GAS2L3: variants seen among roughly 807,000 people sequenced by gnomAD.
GAS2L3 encodes growth arrest specific 2 like 3.
A neutral mutation model predicts 37.0 loss-of-function variants in GAS2L3; 28 were observed. That is an observed-to-expected ratio of 0.76 (90% CI 0.56 to 1.04). The LOEUF (loss-of-function observed/expected upper bound fraction) is 1.04. Among genes scored for constraint, GAS2L3 ranks in the 50% least tolerant of loss-of-function variants. GAS2L3 has a pLI of 0.00. For missense variants in GAS2L3, 793 were observed against 817.6 expected, an observed-to-expected ratio of 0.97 and a Z score of 0.37; for synonymous variants, 290 against 296.6, an observed-to-expected ratio of 0.98 and a Z score of 0.23.
Position 100,624,350 on chromosome 12 carries a change from C to T in GAS2L3, c.1545C>T (p.Phe515=). The T allele has an allele frequency of 6.2e-7, 1 of 1,614,000 alleles. No individual in the cohort carries two copies. Among genetic ancestry groups the T allele is most frequent in the Non-Finnish European group, 8.5e-7 (1 of 1,180,008 alleles). Residue 515 remains phenylalanine, a synonymous_variant, in exon 10 of 10, where the codon TTC becomes TTT. Transcript: ENST00000547754. The part of the protein sequence containing the change: ...ANIPVRPKPS[F]QSSAKMTKTS... The stretch of plus-strand genomic sequence containing the variant: ...TACCTGTAAGACCTAAACCTTCTTT[C>T]CAGTCCTCTGCAAAAATGACAAAAA...
intron 4 of GAS2L3, among the ~76,000 whole-genome samples, chr12:100,601,280 C>G (rs1320734934): frequency 6.6e-6 from 1 of 151,874 alleles, no homozygotes; most frequent in African/African-American, 2.4e-5. Context: ...TTAGTATTCC[C>G]TGGGTATTTG....
chr12:100,587,422 G>T (rs372945059), intron 1 of GAS2L3, among the ~76,000 whole-genome samples: 37 of 152,330 alleles, frequency 2.4e-4, no homozygotes, highest in African/African-American at 8.2e-4. Context: ...TGCAAGGATG[G>T]TTTAACATAT....
intron 1 of GAS2L3, among the ~76,000 whole-genome samples, chr12:100,577,515 A>G (rs1009453359): frequency 4.6e-5 from 7 of 152,224 alleles, no homozygotes; most frequent in Admixed American, 2.0e-4. Flanking sequence ...CAAAGTCTCT[A>G]TATTTTTCAA....
Position 100,579,663 on chromosome 12 carries a change from A to T in GAS2L3, c.-152+5878A>T. 5.1e-6 allele frequency: 4 copies of T among 779,200 alleles called. 1 individual carries two copies. The South Asian group carries it at 5.4e-5, about 10-fold the overall frequency. 48.3% of individuals were successfully genotyped at this position (779,200 alleles called of 1,614,324 possible). ...AGTTCAAGGACATATTTTTCTTAATACCTCCCTTACTGAAGCATTCTGCAT... is the reference window on the plus strand; with the variant it reads ...AGTTCAAGGACATATTTTTCTTAATTCCTCCCTTACTGAAGCATTCTGCAT... On this transcript the variant is annotated intron_variant, in intron 1 of 9. Transcript: ENST00000547754.
intron 6 of GAS2L3, among the ~76,000 whole-genome samples, chr12:100,616,640 G>T (rs1267635903): frequency 6.6e-6 from 1 of 151,850 alleles, no homozygotes; most frequent in Admixed American, 6.6e-5. Flanking sequence ...GTAGAAACAG[G>T]GTCTCACTTT....
intron 1 of GAS2L3, among the ~76,000 whole-genome samples, chr12:100,577,558 TTTTA>T (rs1401836347): frequency 6.6e-6 from 1 of 152,204 alleles, no homozygotes; most frequent in Non-Finnish European, 1.5e-5. Context: ...ACTGTAAACA[TTTTA>T]TTTTTCTCTT....
chr12:100,576,493 A>G (rs1955638704), intron 1 of GAS2L3, among the ~76,000 whole-genome samples: 1 of 152,336 alleles, frequency 6.6e-6, no homozygotes, highest in Middle Eastern at 3.4e-3. Flanking sequence ...TGGACATAGA[A>G]TGATATTAGA....
chr12:100,594,886 C>A lies in GAS2L3; in HGVS notation c.-19C>A. ...TGTTCTTTTTTCAGAAAAGAAATTT[C>A]ATTTCAATATAGGTGACTATGCAGC... is the stretch of plus-strand genomic sequence containing the variant. On this transcript the variant is annotated 5_prime_UTR_variant, in exon 3 of 10. Transcript: ENST00000547754. 7.7e-7 allele frequency: 1 copy of A among 1,305,806 alleles called. No individual in the cohort carries two copies. The highest frequency in any genetic ancestry group is 1.0e-6 in the Non-Finnish European group (1 of 969,942). 80.9% of individuals were successfully genotyped at this position (1,305,806 alleles called of 1,614,324 possible). A position where few individuals can be genotyped will look rare whatever the true frequency, so the allele number is the denominator to read the frequency against.
chr12:100,613,179 T>G (rs1956146814), intron 6 of GAS2L3, among the ~76,000 whole-genome samples: 1 of 152,216 alleles, frequency 6.6e-6, no homozygotes, highest in South Asian at 2.1e-4. Flanking sequence ...TTCTAGTTTA[T>G]TATTTCTGAA....
chr12:100,585,978 C>A (rs534779507), intron 1 of GAS2L3, among the ~76,000 whole-genome samples: 1 of 152,278 alleles, frequency 6.6e-6, no homozygotes, highest in South Asian at 2.1e-4. Context: ...CCACTTTTCC[C>A]CCTTTTCTCT....
intron 1 of GAS2L3, among the ~76,000 whole-genome samples, chr12:100,586,198 A>C (rs1002133591): frequency 6.6e-6 from 1 of 152,232 alleles, no homozygotes; most frequent in East Asian, 1.9e-4. Flanking sequence ...GAAACAATGG[A>C]TTTAAACTAT....
chr12:100,609,608 C>T (rs909275720), intron 5 of GAS2L3, among the ~76,000 whole-genome samples: 2 of 152,220 alleles, frequency 1.3e-5, no homozygotes, highest in African/African-American at 4.8e-5. Context: ...TCCAGCTCAG[C>T]ACTGGGCTTG....
At chr12:100,596,532 T>C (rs1017381538) in intron 3 of GAS2L3, among the ~76,000 whole-genome samples, 3 of 152,116 alleles carry the variant, frequency 2.0e-5, no homozygotes, top group Non-Finnish European at 4.4e-5. Flanking sequence ...TTTTTGCTGC[T>C]GCATGTGAGG....
chr12:100,579,640 T>A, intron 1 of GAS2L3: 1 of 777,252 alleles, frequency 1.3e-6, no homozygotes, highest in Non-Finnish European at 2.4e-6. Flanking sequence ...AATGTCTTAG[T>A]TCAAGGACAT....
chr12:100,619,510 A>G (rs750447126), intron 8 of GAS2L3, among the ~76,000 whole-genome samples: 3 of 152,092 alleles, frequency 2.0e-5, no homozygotes, highest in Non-Finnish European at 4.4e-5. Context: ...TGTTTTGTTT[A>G]ATGTAATAAA....
intron 1 of GAS2L3, among the ~76,000 whole-genome samples, chr12:100,585,190 T>C (rs35694): frequency 0.7 from 105,508 of 150,808 alleles, 38,159 homozygotes; most frequent in African/African-American, 0.86. Context: ...TGAGCCACTG[T>C]GCCTGGTCCT....
Position 100,627,677 on chromosome 12 carries a change from A to G in GAS2L3, c.*2787A>G, listed in dbSNP as rs1440655253. 1 of 152,192 alleles carries G rather than the reference A, an allele frequency of 6.6e-6. No homozygotes were observed. The highest frequency in any genetic ancestry group is 2.4e-5 in the African/African-American group (1 of 41,446). The allele number at this position is 152,192 out of a possible 1,614,324, so 9.4% of individuals were successfully genotyped here. A position where few individuals can be genotyped will look rare whatever the true frequency, so the allele number is the denominator to read the frequency against. On this transcript the variant is annotated 3_prime_UTR_variant, in exon 10 of 10. Coordinates refer to ENST00000547754, the MANE Select transcript of GAS2L3 (RefSeq NM_174942.3). ...AGCTAGTGTTTCTATTCATTTTCAC[A>G]ATTTAAAAACAGCTCTTAACATTGC...
At chr12:100,603,525 A>G (rs991115167) in intron 5 of GAS2L3, among the ~76,000 whole-genome samples, 2 of 152,100 alleles carry the variant, frequency 1.3e-5, no homozygotes, top group African/African-American at 4.8e-5. Flanking sequence ...CTCCTTATAT[A>G]TTCTACTTAT....
Position 100,623,940 on chromosome 12 carries a change from G to T in GAS2L3, c.1135G>T (p.Ala379Ser). 6.2e-7 allele frequency: 1 copy of T among 1,614,066 alleles called. No homozygotes were observed. Among genetic ancestry groups the T allele is most frequent in the South Asian group, 1.1e-5 (1 of 91,074 alleles). Residue 379 changes from alanine (A) to serine (S), a missense_variant, in exon 10 of 10, where the codon GCA becomes TCA. Physicochemically the swap from Ala to Ser is moderately conservative, Grantham distance 99. Coordinates refer to ENST00000547754, the MANE Select transcript of GAS2L3 (RefSeq NM_174942.3). ...TTCTAAATTGCCAAATTCTCCAGCA[G>T]CATCTTCTCATCCCAAGCTCAAGTC... ...VRSKLPNSPAASSHPKLKSSK... is the reference protein window; with the variant it reads ...VRSKLPNSPASSSHPKLKSSK...
Sources: allele counts gnomAD v4.1 joint callset (sites outside exome capture counted in the v4.1 genomes callset), GRCh38; gene constraint gnomAD v4.1.1; transcripts MANE v1.5; gene names NCBI Gene and HGNC (gene_info 2026-07-23, HGNC 2026-07-21).